Variants in PDE6B observed in about 807,000 individuals in gnomAD.
PDE6B encodes the protein rod cGMP-specific 3',5'-cyclic phosphodiesterase subunit beta.
Under a neutral mutation model 109.0 loss-of-function variants are expected in PDE6B, and 106 were observed. The ratio of observed to expected loss-of-function variants is 0.97; its 90% CI spans 0.83 to 1.14. PDE6B has a LOEUF of 1.14. Ranked by LOEUF, PDE6B falls within the 50% of genes most tolerant of loss-of-function variation. PDE6B has a pLI of 0.00. For missense variants in PDE6B, 1,193 were observed against 1,155.6 expected (o/e 1.03, Z -0.47); for synonymous variants, 490 against 471.3 (o/e 1.04, Z -0.51).
At position 628,196 on chromosome 4, in the gene PDE6B, A is replaced by C. The variant is rs115508540; in HGVS notation, c.468+2102A>C. ...AAGTGCAAATCCTCATGAAGTGCAA[A>C]GCCTCATGAAGTGCATCTCAGCACC... On this transcript the variant is annotated intron_variant, in intron 1 of 21. Coordinates refer to ENST00000496514, the MANE Select transcript of PDE6B (RefSeq NM_000283.4). Among the ~76,000 whole-genome samples the C allele has an allele frequency of 9.4e-3, 1,436 of 152,052 alleles. 28 individuals are homozygous for C. The highest frequency in any genetic ancestry group is 0.033 in the African/African-American group (1,371 of 41,522).
At position 665,372 on chromosome 4, in the gene PDE6B, T is replaced by TA; in HGVS notation, c.2268+44dup. The stretch of plus-strand genomic sequence containing the variant: ...AACCTTCCACTCCTGAAACGGGTGT[T>TA]AGAGACCCCTCTTGGTCCTCAGGAG... On this transcript the variant is annotated intron_variant, in intron 19 of 21. Coordinates refer to ENST00000496514, the MANE Select transcript of PDE6B (RefSeq NM_000283.4). This position sits in a 1 kb window ranked among gnomAD's most constrained non-coding sequence, Gnocchi z 4.0. The TA allele has an allele frequency of 1.4e-6, 2 of 1,390,230 alleles. No individual in the cohort carries two copies. Among genetic ancestry groups the TA allele is most frequent in the Non-Finnish European group, 2.0e-6 (2 of 978,086 alleles). 86.1% of individuals were successfully genotyped at this position (1,390,230 alleles called of 1,614,324 possible).
chr4:663,727 G>C lies in PDE6B; in HGVS notation c.1921-43G>C. 1.4e-6 allele frequency: 2 copies of C among 1,467,032 alleles called. No homozygotes were observed. The highest frequency in any genetic ancestry group is 1.9e-6 in the Non-Finnish European group (2 of 1,049,736). 90.9% of individuals were successfully genotyped at this position (1,467,032 alleles called of 1,614,324 possible). A position where few individuals can be genotyped will look rare whatever the true frequency, so the allele number is the denominator to read the frequency against. ...GGCGGGGTCCCCGGGCACCCTGAGA[G>C]GTGGCCGCAGGGCGCCTGACGCGCT... On this transcript the variant is annotated intron_variant, in intron 15 of 21. Coordinates refer to ENST00000496514, the MANE Select transcript of PDE6B (RefSeq NM_000283.4). This position sits in a 1 kb window ranked among gnomAD's most constrained non-coding sequence, Gnocchi z 4.0.
At chr4:634,538 C>A in intron 1 of PDE6B, 139 bp from the exon 2 acceptor site, 1 of 795,872 alleles carries the variant, frequency 1.3e-6, no homozygotes, top group Non-Finnish European at 2.3e-6. Flanking sequence ...GTGGCCACAT[C>A]CCAGTGCCCA....
rs140243735 is a variant in PDE6B at position 659,035 on chromosome 4, G to A, written c.1467+18G>A. On this transcript the variant is annotated intron_variant, in intron 11 of 21. Transcript: ENST00000496514. ...AAATCCTGGTAAGAACCTTGCTCCC[G>A]TCCCTCCCATGGAGGCCGGCCACGT... The A allele has an allele frequency of 1.1e-3, 1,735 of 1,603,556 alleles. 13 individuals are homozygous for A. In the African/African-American group the frequency reaches 0.018, roughly 17 times the overall value.
chr4:664,138 C>T lies in PDE6B; in HGVS notation c.2046C>T (p.Ile682=), dbSNP rs774172884. ...GGAAGAGAGCGATGTTTCAGAAGATCGTGGATGAGTCCAAGAACTACCAGG... is the reference window on the plus strand; with the variant it reads ...GGAAGAGAGCGATGTTTCAGAAGATTGTGGATGAGTCCAAGAACTACCAGG... The part of the protein sequence containing the change: ...YFKKRAMFQK[I]VDESKNYQDK... The change falls in exon 17 of 22, where the codon ATC becomes ATT. Residue 682 remains isoleucine (I), a synonymous_variant. Coordinates refer to ENST00000496514, the MANE Select transcript of PDE6B (RefSeq NM_000283.4). 3 of 1,610,510 alleles carry T rather than the reference C, an allele frequency of 1.9e-6. No homozygotes were observed. The highest frequency in any genetic ancestry group is 2.2e-5 in the South Asian group (2 of 91,024).
intron 1 of PDE6B, among the ~76,000 whole-genome samples, chr4:629,709 T>G (rs72613104): frequency 0.11 from 16,807 of 152,060 alleles, 987 homozygotes; most frequent in East Asian, 0.21. Flanking sequence ...GAACACGGGC[T>G]GGGTGGGAAT....
intron 10 of PDE6B, among the ~76,000 whole-genome samples, chr4:658,739 G>A (rs745841629): frequency 6.6e-6 from 1 of 152,160 alleles, no homozygotes; most frequent in Admixed American, 6.5e-5. Context: ...TGAGGACTGC[G>A]TAAGGCAGTG....
At chr4:656,665 C>T (rs1736297246) in intron 8 of PDE6B, among the ~76,000 whole-genome samples, 1 of 152,242 alleles carries the variant, frequency 6.6e-6, no homozygotes, top group Admixed American at 6.5e-5. Context: ...CCTCTACCTC[C>T]TCCGGTGGGA....
In PDE6B at chr4:654,870, AG is replaced by A; in HGVS notation, c.976del (p.Glu326ArgfsTer33). On this transcript the variant is annotated frameshift_variant, in exon 6 of 22. Coordinates refer to ENST00000496514, the MANE Select transcript of PDE6B (RefSeq NM_000283.4). LOFTEE classifies it high-confidence loss of function. ...ATCGACTACGTCCTCCACGGCAAGG[AG>A]GAGATCAAGGTCATTCCGTAAGTGC... ...KVIDYVLHGKEEIKVIPTPSA... is the reference protein window; with the variant it reads ...KVIDYVLHGKXEIKVIPTPSA... 1 of 1,553,642 alleles carries A rather than the reference AG, an allele frequency of 6.4e-7. No individual in the cohort carries two copies. Among genetic ancestry groups the A allele is most frequent in the Non-Finnish European group, 8.9e-7 (1 of 1,124,938 alleles).
rs750323428 is a variant in PDE6B, at chr4:660,505, C to T, written c.1506C>T (p.Tyr502=). ...CAGGGCCCACCACATTTGACATCTACGAATTCCACTTCTCTGACCTGGAGT... is the reference window on the plus strand; with the variant it reads ...CAGGGCCCACCACATTTGACATCTATGAATTCCACTTCTCTGACCTGGAGT... ...ELPGPTTFDI[Y]EFHFSDLECT... is the part of the protein sequence containing the mutation. Residue 502 remains tyrosine (Y), a synonymous_variant, in exon 12 of 22, where the codon TAC becomes TAT. Transcript: ENST00000496514. 8.5e-5 allele frequency: 137 copies of T among 1,613,758 alleles called. No homozygotes were observed. Among genetic ancestry groups the T allele is most frequent in the Non-Finnish European group, 1.1e-4 (126 of 1,179,874 alleles).
chr4:632,535 T>G (rs548610898), intron 1 of PDE6B, among the ~76,000 whole-genome samples: 1 of 150,700 alleles, frequency 6.6e-6, no homozygotes, highest in East Asian at 2.0e-4. Flanking sequence ...TCATGTTGTG[T>G]GGATCTGCAT....
At position 662,592 on chromosome 4, in the gene PDE6B, C is replaced by T. The variant is rs140849790; in HGVS notation, c.1806C>T (p.Arg602=). Residue 602 remains arginine (R), a synonymous_variant, in exon 14 of 22, where the codon CGC becomes CGT. Transcript: ENST00000496514. The surrounding 1 kb of genome is among the most constrained non-coding windows in gnomAD (Gnocchi z 4.3). ...TAGLCHDIDH[R]GTNNLYQMKS... ...GCCTGTGCCATGACATCGACCACCGCGGCACCAACAACCTGTACCAGATGA... is the reference window on the plus strand; with the variant it reads ...GCCTGTGCCATGACATCGACCACCGTGGCACCAACAACCTGTACCAGATGA... 8.7e-6 allele frequency: 14 copies of T among 1,611,136 alleles called. No individual in the cohort carries two copies. Among genetic ancestry groups the T allele is most frequent in the Admixed American group, 6.7e-5 (4 of 60,024 alleles).
intron 10 of PDE6B, among the ~76,000 whole-genome samples, chr4:657,750 G>C (rs531718830): frequency 7.5e-5 from 11 of 146,334 alleles, no homozygotes; most frequent in Non-Finnish European, 1.5e-4. Context: ...GCATCCAGGG[G>C]TCACCCAGGG....
chr4:635,793 C>A (rs185260449), intron 2 of PDE6B, 87 bp from the exon 3 acceptor site: 2 of 773,370 alleles, frequency 2.6e-6, no homozygotes, highest in Admixed American at 1.9e-5. Context: ...CACCCTCAGG[C>A]GAGCATGTTT....
chr4:632,398 C>T (rs774886155), intron 1 of PDE6B, among the ~76,000 whole-genome samples: 5 of 151,594 alleles, frequency 3.3e-5, no homozygotes, highest in East Asian at 3.9e-4. Flanking sequence ...CATGTGGTGC[C>T]GTCTGAGGGT....
intron 2 of PDE6B, among the ~76,000 whole-genome samples, 176 bp from the exon 3 acceptor site, chr4:635,704 C>T (rs78918869): frequency 0.012 from 1,772 of 152,342 alleles, 23 homozygotes; most frequent in South Asian, 0.037. Context: ...AGATAGCTTG[C>T]GTGCCCACCC....
rs200694314 is a variant in PDE6B at position 654,842 on chromosome 4, G to A, written c.946G>A (p.Val316Met). The change falls in exon 6 of 22, where the codon GTG becomes ATG. Residue 316 changes from valine to methionine, a missense_variant. Coordinates refer to ENST00000496514, the MANE Select transcript of PDE6B (RefSeq NM_000283.4). ...PDGREIVFYK[V>M]IDYVLHGKEE... is the part of the protein sequence containing the mutation. ...TTCTCAGGAAATTGTCTTCTACAAAGTGATCGACTACGTCCTCCACGGCAA... is the reference window on the plus strand; with the variant it reads ...TTCTCAGGAAATTGTCTTCTACAAAATGATCGACTACGTCCTCCACGGCAA... 108 of 1,573,238 alleles carry A rather than the reference G, an allele frequency of 6.9e-5. No individual in the cohort carries two copies. The highest frequency in any genetic ancestry group is 1.7e-4 in the Middle Eastern group (1 of 5,986).
rs1041522303 is a variant in PDE6B at position 663,033 on chromosome 4, G to T, written c.1833-67G>T. 19 of 887,588 alleles carry T rather than the reference G, an allele frequency of 2.1e-5. No homozygotes were observed. Among genetic ancestry groups the T allele is most frequent in the African/African-American group, 4.9e-5 (3 of 61,134 alleles). The allele number at this position is 887,588 out of a possible 1,614,324, so 55.0% of individuals were successfully genotyped here. A position where few individuals can be genotyped will look rare whatever the true frequency, so the allele number is the denominator to read the frequency against. On this transcript the variant is annotated intron_variant, in intron 14 of 21. Coordinates refer to ENST00000496514, the MANE Select transcript of PDE6B (RefSeq NM_000283.4). The surrounding 1 kb of genome is among the most constrained non-coding windows in gnomAD (Gnocchi z 4.0). ...AAAGAAAGTGGGGCCCATCTGGGGG[G>T]GCTGCAGAGCGCAGGGTGGGCCAAG... is the stretch of plus-strand genomic sequence containing the variant.
At chr4:669,507 C>A (rs1738237046) in intron 21 of PDE6B, among the ~76,000 whole-genome samples, 1 of 113,496 alleles carries the variant, frequency 8.8e-6, no homozygotes, top group Non-Finnish European at 1.8e-5. Flanking sequence ...CCATGCTATT[C>A]CCACTACCCC....
Sources: gnomAD v4.1 joint callset for allele counts (sites outside exome capture counted in the v4.1 genomes callset) on GRCh38, gnomAD v4.1.1 for gene constraint, Gnocchi (gnomAD v3.1) non-coding constraint, MANE v1.5 for transcripts, NCBI Gene and HGNC (gene_info 2026-07-23, HGNC 2026-07-21) for gene names.